ZNF367: variants seen among roughly 807,000 people sequenced by gnomAD.
ZNF367 encodes the protein C2H2 zinc finger protein ZFF29.
A neutral mutation model predicts 31.8 loss-of-function variants in ZNF367; 11 were observed. The ratio of observed to expected loss-of-function variants is 0.35; its 90% CI spans 0.22 to 0.57. The LOEUF (loss-of-function observed/expected upper bound fraction) is 0.57. Ranked by LOEUF, ZNF367 falls within the 20% of genes least tolerant of loss-of-function variation. ZNF367 has a pLI of 0.85. For missense variants in ZNF367, 353 were observed against 484.1 expected, an observed-to-expected ratio of 0.73 and a Z score of 2.54; for synonymous variants, 199 against 202.4, an observed-to-expected ratio of 0.98 and a Z score of 0.14.
intron 1 of ZNF367, among the ~76,000 whole-genome samples, chr9:96,404,485 C>T (rs1348319767): frequency 2.0e-5 from 3 of 151,786 alleles, no homozygotes; most frequent in African/African-American, 7.3e-5. Flanking sequence ...CCCAGCTACT[C>T]GGGAGGCTGA....
At chr9:96,398,710 A>T (rs918680074) in intron 1 of ZNF367, among the ~76,000 whole-genome samples, 2 of 152,246 alleles carry the variant, frequency 1.3e-5, no homozygotes, top group African/African-American at 4.8e-5. Context: ...AACTTGAAAC[A>T]GTAGAAAAGC....
chr9:96,404,012 G>A (rs1831640559), intron 1 of ZNF367, among the ~76,000 whole-genome samples: 2 of 151,178 alleles, frequency 1.3e-5, no homozygotes, highest in South Asian at 2.1e-4. Flanking sequence ...TGGGCAACCT[G>A]GTGAAATCTC....
intron 1 of ZNF367, among the ~76,000 whole-genome samples, chr9:96,405,860 C>G (rs1387563860): frequency 6.6e-6 from 1 of 152,126 alleles, no homozygotes; most frequent in African/African-American, 2.4e-5. Context: ...TGTTTTGGAA[C>G]TCTTAGAACA....
intron 4 of ZNF367, 112 bp from the exon 5 acceptor site, chr9:96,388,571 TAA>T: frequency 6.4e-6 from 6 of 939,040 alleles, no homozygotes; most frequent in Admixed American, 3.1e-5. Flanking sequence ...GTTCAGTTTA[TAA>T]AGTTATAAAG....
chr9:96,402,334 T>C (rs368231805), intron 1 of ZNF367, among the ~76,000 whole-genome samples: 3 of 151,660 alleles, frequency 2.0e-5, no homozygotes, highest in East Asian at 3.9e-4. Context: ...TTTAGAAATA[T>C]ATATACACCT....
chr9:96,403,016 C>T (rs1831627379), intron 1 of ZNF367, among the ~76,000 whole-genome samples: 1 of 151,742 alleles, frequency 6.6e-6, no homozygotes, highest in South Asian at 2.1e-4. Context: ...GTTGCCCAGG[C>T]CCGAGTGCAG....
intron 1 of ZNF367, among the ~76,000 whole-genome samples, chr9:96,413,997 G>A (rs1564145524): frequency 6.6e-6 from 1 of 152,198 alleles, no homozygotes; most frequent in East Asian, 1.9e-4. Context: ...CCAAAAATGA[G>A]CAGACTCAGC....
At chr9:96,395,295 A>C (rs559140201) in intron 2 of ZNF367, among the ~76,000 whole-genome samples, 3 of 152,020 alleles carry the variant, frequency 2.0e-5, no homozygotes, top group Non-Finnish European at 2.9e-5. Flanking sequence ...CAGCCCTCCC[A>C]CTAGGATGAA....
intron 1 of ZNF367, among the ~76,000 whole-genome samples, chr9:96,402,128 C>T (rs1208346269): frequency 3.1e-5 from 4 of 127,924 alleles, no homozygotes; most frequent in South Asian, 5.1e-4. Flanking sequence ...TGGTGGCACG[C>T]GCCTATAGTC....
At chr9:96,391,517 C>T (rs927818609) in intron 4 of ZNF367, among the ~76,000 whole-genome samples, 13 of 152,116 alleles carry the variant, frequency 8.5e-5, no homozygotes, top group African/African-American at 3.1e-4. Context: ...GGACAGTTGC[C>T]TTATCAGAGG....
intron 2 of ZNF367, 65 bp downstream of exon 2, chr9:96,398,099 A>G (rs1831556534): frequency 3.2e-6 from 2 of 617,714 alleles, no homozygotes; most frequent in Non-Finnish European, 4.5e-6. Flanking sequence ...AAAAAAAAAA[A>G]AAAAAAAAAA....
At position 96,417,861 on chromosome 9, in the gene ZNF367, G is replaced by T. The variant is rs747836092; in HGVS notation, c.172C>A (p.Pro58Thr). 1.3e-6 allele frequency: 2 copies of T among 1,518,716 alleles called. No homozygotes were observed. The highest frequency in any genetic ancestry group is 1.8e-6 in the Non-Finnish European group (2 of 1,141,820). The allele number at this position is 1,518,716 out of a possible 1,614,324, so 94.1% of individuals were successfully genotyped here. Residue 58 changes from proline (P) to threonine (T), a missense_variant, in exon 1 of 5, where the codon CCC (proline) becomes ACC (threonine). Pro to Thr is a conservative substitution (Grantham distance 38). Around this residue, in one of 5 missense-constraint regions of ZNF367, gnomAD observed 31 missense variants for 58.4 expected, o/e 0.53. Coordinates refer to ENST00000375256, the MANE Select transcript of ZNF367 (RefSeq NM_153695.4). The surrounding 1 kb of genome is among the most constrained non-coding windows in gnomAD (Gnocchi z 5.0). Reference sequence around the variant, plus strand: ...AAGTCGCTGAAGCCGGGGCTGGTGGGGATGAGCGGCGGCGGCGGCTCCGGC... The same window carrying T: ...AAGTCGCTGAAGCCGGGGCTGGTGGTGATGAGCGGCGGCGGCGGCTCCGGC... ...GEPEPPPPLI[P>T]TSPGFSDFMV...
chr9:96,416,245 C>G (rs1370809881), intron 1 of ZNF367, among the ~76,000 whole-genome samples: 1 of 152,082 alleles, frequency 6.6e-6, no homozygotes, highest in East Asian at 1.9e-4. Context: ...CACCACCAAG[C>G]CCGGCTAATT....
In ZNF367 at chr9:96,417,437, G is replaced by C. The variant is rs4143092; in HGVS notation, c.420+176C>G. Among the ~76,000 whole-genome samples the C allele has an allele frequency of 3.8e-4, 50 of 131,380 alleles. 1 individual carries two copies. The highest frequency in any genetic ancestry group is 1.1e-3 in the African/African-American group (29 of 27,122). The allele number at this position is 131,380 out of a possible 152,430, so 86.2% of individuals were successfully genotyped here. A position where few individuals can be genotyped will look rare whatever the true frequency, so the allele number is the denominator to read the frequency against. Reference sequence around the variant, plus strand: ...GCCGCTCCCGCCTGTCACGTGACAGGCCCCCCCCGACTGGGGCCGGTTTTT... The same window carrying C: ...GCCGCTCCCGCCTGTCACGTGACAGCCCCCCCCCGACTGGGGCCGGTTTTT... On this transcript the variant is annotated intron_variant, in intron 1 of 4. Transcript: ENST00000375256. The surrounding 1 kb of genome is among the most constrained non-coding windows in gnomAD (Gnocchi z 5.0).
intron 2 of ZNF367, among the ~76,000 whole-genome samples, chr9:96,395,936 T>C (rs1415146123): frequency 6.6e-6 from 1 of 152,232 alleles, no homozygotes; most frequent in African/African-American, 2.4e-5. Flanking sequence ...TTTTCCAGTA[T>C]AACTCAAAGA....
At chr9:96,416,595 T>C (rs1381581166) in intron 1 of ZNF367, among the ~76,000 whole-genome samples, 1 of 152,252 alleles carries the variant, frequency 6.6e-6, no homozygotes, top group Non-Finnish European at 1.5e-5. Flanking sequence ...TATGTGCTGA[T>C]ACAGATGCAG....
Position 96,392,435 on chromosome 9 carries a change from C to T in ZNF367, c.793G>A (p.Ala265Thr). 1 of 1,614,204 alleles carries T rather than the reference C, an allele frequency of 6.2e-7. No individual in the cohort carries two copies. The highest frequency in any genetic ancestry group is 8.5e-7 in the Non-Finnish European group (1 of 1,180,038). Residue 265 changes from alanine to threonine, a missense_variant, in exon 4 of 5, where the codon GCT (alanine) becomes ACT (threonine). This residue lies in a region of ZNF367 where 101 missense variants were observed against 140.0 expected (regional missense o/e 0.72). Transcript: ENST00000375256. ...EPTDTLSKHQAADNKAAAEWL... is the reference protein window; with the variant it reads ...EPTDTLSKHQTADNKAAAEWL... Reference sequence around the variant, plus strand: ...TCGGCCGCGGCCTTGTTGTCGGCAGCCTGATGTTTGCTGAGTGTGTCCGTG... The same window carrying T: ...TCGGCCGCGGCCTTGTTGTCGGCAGTCTGATGTTTGCTGAGTGTGTCCGTG...
At chr9:96,412,087 T>C (rs1831758038) in intron 1 of ZNF367, among the ~76,000 whole-genome samples, 1 of 152,180 alleles carries the variant, frequency 6.6e-6, no homozygotes, top group Admixed American at 6.5e-5. Flanking sequence ...CTTTTAACAA[T>C]ACATATTAAA....
At chr9:96,392,715 A>C (rs1056132228) in intron 3 of ZNF367, among the ~76,000 whole-genome samples, 179 bp from the exon 4 acceptor site, 3 of 152,270 alleles carry the variant, frequency 2.0e-5, no homozygotes, top group Non-Finnish European at 4.4e-5. Flanking sequence ...GAGCGGGGAC[A>C]GGAAGACAGT....
Sources: allele counts gnomAD v4.1 joint callset (sites outside exome capture counted in the v4.1 genomes callset), GRCh38; gene constraint gnomAD v4.1.1; regional missense constraint gnomAD v4.1.1; non-coding constraint Gnocchi (gnomAD v3.1); transcripts MANE v1.5; gene names NCBI Gene and HGNC (gene_info 2026-07-23, HGNC 2026-07-21).